The following ZFAT variants were observed in gnomAD, a reference collection of about 807,000 sequenced individuals.
ZFAT encodes zinc finger protein ZFAT.
A neutral mutation model predicts 117.7 loss-of-function variants in ZFAT; 64 were observed. The observed-to-expected ratio is 0.54, with a 90% confidence interval of 0.44 to 0.67. The LOEUF (loss-of-function observed/expected upper bound fraction) is 0.67. Ranked by LOEUF, ZFAT falls within the 30% of genes least tolerant of loss-of-function variation. The probability of loss-of-function intolerance (pLI) is 0.00; values close to 1 mark genes in which losing one functional copy is unlikely to be tolerated. For missense variants in ZFAT, 1,433 were observed against 1,584.5 expected, an observed-to-expected ratio of 0.90 and a Z score of 1.62; for synonymous variants, 679 against 615.0, an observed-to-expected ratio of 1.10 and a Z score of -1.54.
chr8:134,741,668 C>T, the ZFAT span, among the ~76,000 whole-genome samples: 43,345 of 151,894 alleles, frequency 0.29, 7,633 homozygotes, highest in Admixed American at 0.41. Context: ...ACGCTGAGGC[C>T]TCCTAAAGCC....
intron 1 of ZFAT, among the ~76,000 whole-genome samples, chr8:134,676,341 T>C (rs201909676): frequency 2.0e-5 from 3 of 148,602 alleles, no homozygotes; most frequent in African/African-American, 7.5e-5. Context: ...GATCAAAAGA[T>C]ACAAAGAAGT....
At chr8:134,759,869 A>G in the ZFAT span, among the ~76,000 whole-genome samples, 4 of 149,222 alleles carry the variant, frequency 2.7e-5, no homozygotes, top group Non-Finnish European at 5.9e-5. Context: ...TACTCGGGAG[A>G]CTGAGGTAGG....
chr8:134,703,471 G>T (rs1834069278), intron 1 of ZFAT, among the ~76,000 whole-genome samples: 1 of 152,208 alleles, frequency 6.6e-6, no homozygotes, highest in African/African-American at 2.4e-5. Context: ...AACGGCTCAT[G>T]CCTTGGCCAT....
rs1817085204 is a variant in ZFAT at position 134,478,857 on chromosome 8, A to G, written c.3493-136T>C. 1 of 1,338,566 alleles carries G rather than the reference A, an allele frequency of 7.5e-7. No homozygotes were observed. The highest frequency in any genetic ancestry group is 1.0e-6 in the Non-Finnish European group (1 of 995,766). 82.9% of individuals were successfully genotyped at this position (1,338,566 alleles called of 1,614,324 possible). ...CCATTCTCCACGGATCCTCTCTACC[A>G]GGCTGTGCTTGCTCTCATGCCCATT... On this transcript the variant is annotated intron_variant, in intron 15 of 15. Transcript: ENST00000377838. The surrounding 1 kb of genome is among the most constrained non-coding windows in gnomAD (Gnocchi z 5.2).
At chr8:134,643,496 G>A (rs564289561) in intron 2 of ZFAT, among the ~76,000 whole-genome samples, 29 of 152,284 alleles carry the variant, frequency 1.9e-4, no homozygotes, top group African/African-American at 6.5e-4. Flanking sequence ...ATGGACTAAG[G>A]CATCATGTAT....
At chr8:134,558,319 G>A (rs1028848255) in intron 11 of ZFAT, among the ~76,000 whole-genome samples, 1 of 152,180 alleles carries the variant, frequency 6.6e-6, no homozygotes, top group Non-Finnish European at 1.5e-5. Context: ...TCCCAAAGCT[G>A]TGTGGAGACA....
At chr8:134,555,087 G>C (rs1306502911) in intron 11 of ZFAT, among the ~76,000 whole-genome samples, 2 of 152,194 alleles carry the variant, frequency 1.3e-5, no homozygotes, top group African/African-American at 4.8e-5. Context: ...AGCAAAATCA[G>C]CAAAGGGAAG....
intron 3 of ZFAT, among the ~76,000 whole-genome samples, chr8:134,635,463 A>C (rs959207997): frequency 2.0e-5 from 3 of 152,226 alleles, no homozygotes; most frequent in African/African-American, 7.2e-5. Context: ...AAATGATCGG[A>C]GAGAACTAGA....
intron 15 of ZFAT, among the ~76,000 whole-genome samples, chr8:134,494,505 C>T (rs376271011): frequency 6.6e-6 from 1 of 152,178 alleles, no homozygotes; most frequent in Non-Finnish European, 1.5e-5. Flanking sequence ...CTCTTCTCCC[C>T]CTAATTAAGC....
At position 134,601,911 on chromosome 8, in the gene ZFAT, G is replaced by A; in HGVS notation, c.1808C>T (p.Thr603Ile). ...AGCAGCATGAGCCTCTGCGGAGGAG[G>A]TATCATTTTTCAACAAAAAATCATC... ...VSDDFLLKNDTSSAEAHAAPE... is the reference protein window; with the variant it reads ...VSDDFLLKNDISSAEAHAAPE... Residue 603 changes from threonine to isoleucine, a missense_variant, in exon 6 of 16, where the codon ACC (threonine) becomes ATC (isoleucine). Coordinates refer to ENST00000377838, the MANE Select transcript of ZFAT (RefSeq NM_020863.4). The A allele has an allele frequency of 1.2e-6, 2 of 1,614,090 alleles. No homozygotes were observed. The highest frequency in any genetic ancestry group is 1.3e-5 in the African/African-American group (1 of 75,064).
chr8:134,713,881 T>C (rs1338747841), upstream of ZFAT, among the ~76,000 whole-genome samples: 2 of 21,720 alleles, frequency 9.2e-5, no homozygotes, highest in Admixed American at 1.2e-3. Flanking sequence ...ATTATCTCCC[T>C]CCCTTACCTC....
chr8:134,600,466 T>C lies in ZFAT; in HGVS notation c.2445A>G (p.Leu815=). 2 of 1,614,234 alleles carry C rather than the reference T, an allele frequency of 1.2e-6. No homozygotes were observed. Among genetic ancestry groups the C allele is most frequent in the South Asian group, 1.1e-5 (1 of 91,088 alleles). ...CDYSTPDKYK[L]QAHLKVHTAL... ...CTGTGTGAACTTTAAGATGTGCCTGTAGCTTATATTTATCTGGAGTTGAGT... is the reference window on the plus strand; with the variant it reads ...CTGTGTGAACTTTAAGATGTGCCTGCAGCTTATATTTATCTGGAGTTGAGT... Residue 815 remains leucine, a synonymous_variant, in exon 7 of 16, where the codon CTA becomes CTG. Transcript: ENST00000377838.
chr8:134,821,549 T>TAA, the ZFAT span, among the ~76,000 whole-genome samples: 96 of 141,134 alleles, frequency 6.8e-4, 1 homozygote, highest in African/African-American at 2.4e-3. Context: ...GCATGCGGTT[T>TAA]AAAAAAAAAA....
chr8:134,537,452 C>T (rs1253906448), intron 11 of ZFAT, among the ~76,000 whole-genome samples: 1 of 152,200 alleles, frequency 6.6e-6, no homozygotes, highest in African/African-American at 2.4e-5. Flanking sequence ...AACCTCTAGA[C>T]CGAGGAATCG....
intron 12 of ZFAT, among the ~76,000 whole-genome samples, chr8:134,522,446 C>T (rs1336068571): frequency 2.0e-5 from 3 of 152,258 alleles, no homozygotes; most frequent in Non-Finnish European, 2.9e-5. Flanking sequence ...TGACGACTAT[C>T]GGCCCTCGGG....
chr8:134,750,033 T>A, the ZFAT span, among the ~76,000 whole-genome samples: 1 of 152,224 alleles, frequency 6.6e-6, no homozygotes, highest in Non-Finnish European at 1.5e-5. Flanking sequence ...TCAATTGGAA[T>A]TTTGATTGGG....
chr8:134,701,311 A>G (rs1036772004), intron 1 of ZFAT, among the ~76,000 whole-genome samples: 2 of 152,194 alleles, frequency 1.3e-5, no homozygotes, highest in African/African-American at 2.4e-5. Flanking sequence ...ACTGTGCACA[A>G]TGGCCTCAAG....
chr8:134,779,358 C>T, the ZFAT span, among the ~76,000 whole-genome samples: 1 of 151,708 alleles, frequency 6.6e-6, no homozygotes, highest in East Asian at 1.9e-4. Flanking sequence ...TAAAATGTTG[C>T]AAAACTGCCA....
At chr8:134,578,399 G>GA (rs547115937) in intron 10 of ZFAT, among the ~76,000 whole-genome samples, 23 of 120,126 alleles carry the variant, frequency 1.9e-4, no homozygotes, top group African/African-American at 7.3e-4. Context: ...CGACAAGAGC[G>GA]AAACTCTGTC....
Sources: gnomAD v4.1 joint callset for allele counts (sites outside exome capture counted in the v4.1 genomes callset) on GRCh38, gnomAD v4.1.1 for gene constraint, Gnocchi (gnomAD v3.1) non-coding constraint, MANE v1.5 for transcripts, NCBI Gene and HGNC (gene_info 2026-07-23, HGNC 2026-07-21) for gene names.